The following LRRC28 variants were observed in gnomAD, a reference collection of about 807,000 sequenced individuals.
The protein encoded by LRRC28 is leucine rich repeat containing 28.
A neutral mutation model predicts 45.7 loss-of-function variants in LRRC28; 39 were observed. That is an observed-to-expected ratio of 0.85 (90% CI 0.66 to 1.12). LRRC28 has a LOEUF of 1.12. Ranked by LOEUF, LRRC28 falls within the 50% of genes most tolerant of loss-of-function variation. The pLI is 0.00. For missense variants in LRRC28, 435 were observed against 438.5 expected (o/e 0.99, Z 0.07); for synonymous variants, 206 against 178.8 (o/e 1.15, Z -1.22).
rs559443326 is a variant in LRRC28, at chr15:99,316,431, C to T, written c.386-17492C>T. On this transcript the variant is annotated intron_variant, in intron 5 of 9. Coordinates refer to ENST00000301981, the MANE Select transcript of LRRC28 (RefSeq NM_144598.5). ...TTTGTGTGGTAGAAACCACTTGCCT[C>T]TAATAAGGAACTAGAGAAATGGGAA... is the stretch of plus-strand genomic sequence containing the variant. Among the ~76,000 whole-genome samples, 3 of 151,944 alleles carry T rather than the reference C, an allele frequency of 2.0e-5. No individual in the cohort carries two copies. In the South Asian group the frequency reaches 6.2e-4, roughly 32 times the overall value.
rs1223200059 is a variant in LRRC28 at position 99,358,777 on chromosome 15, TA to T, written c.696-2555del. Among the ~76,000 whole-genome samples the T allele has an allele frequency of 2.0e-5, 3 of 151,952 alleles. No individual in the cohort carries two copies. The East Asian group carries it at 5.8e-4, about 29-fold the overall frequency. On this transcript the variant is annotated intron_variant, in intron 7 of 9. Coordinates refer to ENST00000301981, the MANE Select transcript of LRRC28 (RefSeq NM_144598.5). ...TATATAACCAAGTAAGACAAATAGA[TA>T]AAACATCTACACGTAAAGGCCAGGT... is the stretch of plus-strand genomic sequence containing the variant.
chr15:99,267,076 C>T (rs926098817), intron 2 of LRRC28, among the ~76,000 whole-genome samples: 3 of 152,108 alleles, frequency 2.0e-5, no homozygotes, highest in African/African-American at 7.3e-5. Context: ...AATTTGGAGT[C>T]AGTTAAAATA....
intron 9 of LRRC28, among the ~76,000 whole-genome samples, chr15:99,370,487 G>A (rs1042522498): frequency 1.3e-5 from 2 of 152,090 alleles, no homozygotes; most frequent in African/African-American, 4.8e-5. Context: ...TCTTGGGAAG[G>A]GGGGAATGTG....
intron 7 of LRRC28, among the ~76,000 whole-genome samples, chr15:99,359,372 AATGAG>A (rs1957135884): frequency 6.6e-6 from 1 of 152,350 alleles, no homozygotes; most frequent in African/African-American, 2.4e-5. Flanking sequence ...TTTAATAGAA[AATGAG>A]ATAAGGGATG....
chr15:99,253,474 A>C (rs1477116263), intron 1 of LRRC28, among the ~76,000 whole-genome samples: 1 of 152,154 alleles, frequency 6.6e-6, no homozygotes, highest in Non-Finnish European at 1.5e-5. Flanking sequence ...ATTGCTTTCT[A>C]GGCTAAGAGG....
chr15:99,266,794 C>T (rs962336291), intron 2 of LRRC28, among the ~76,000 whole-genome samples: 1 of 152,162 alleles, frequency 6.6e-6, no homozygotes, highest in African/African-American at 2.4e-5. Flanking sequence ...TTACCAAGTG[C>T]TCAAACAGTT....
chr15:99,339,801 CCACGTAGTAAGCCCAA>C (rs1956447081), intron 6 of LRRC28, among the ~76,000 whole-genome samples: 1 of 151,846 alleles, frequency 6.6e-6, no homozygotes, highest in Non-Finnish European at 1.5e-5. Flanking sequence ...GCATAAACCA[CCACGTAGTAAGCCCAA>C]CAGCTAGTAG....
rs1038700216 is a variant in LRRC28 at position 99,387,604 on chromosome 15, G to C, written c.*1502G>C. 1 of 152,160 alleles carries C rather than the reference G, an allele frequency of 6.6e-6. No individual in the cohort carries two copies. Among genetic ancestry groups the C allele is most frequent in the Non-Finnish European group, 1.5e-5 (1 of 68,032 alleles). The allele number at this position is 152,160 out of a possible 1,614,324, so 9.4% of individuals were successfully genotyped here. On this transcript the variant is annotated 3_prime_UTR_variant, in exon 10 of 10. Coordinates refer to ENST00000301981, the MANE Select transcript of LRRC28 (RefSeq NM_144598.5). ...AAAGAACTCTTCATGAAGAAGTCACGTATTTGCTCTTCCTTTCAAAGGATG... is the reference window on the plus strand; with the variant it reads ...AAAGAACTCTTCATGAAGAAGTCACCTATTTGCTCTTCCTTTCAAAGGATG...
intron 5 of LRRC28, among the ~76,000 whole-genome samples, chr15:99,322,775 T>TAAG (rs1391422834): frequency 6.6e-6 from 1 of 152,148 alleles, no homozygotes; most frequent in East Asian, 1.9e-4. Context: ...GGCACAGAGC[T>TAAG]AAGGCATGTT....
intron 5 of LRRC28, among the ~76,000 whole-genome samples, chr15:99,311,062 C>T (rs182599792): frequency 6.2e-4 from 94 of 152,260 alleles, no homozygotes; most frequent in Non-Finnish European, 1.0e-3. Context: ...TTAGTCTGCA[C>T]ACATGCCATT....
rs62023770 is a variant in LRRC28 at position 99,259,925 on chromosome 15, A to G, written c.168+3800A>G. 209 of 695,538 alleles carry G rather than the reference A, an allele frequency of 3.0e-4. 3 individuals carry two copies. The highest frequency in any genetic ancestry group is 1.9e-4 in the Non-Finnish European group (72 of 376,162). The allele number at this position is 695,538 out of a possible 1,614,324, so 43.1% of individuals were successfully genotyped here. On this transcript the variant is annotated intron_variant, in intron 2 of 9. Coordinates refer to ENST00000301981, the MANE Select transcript of LRRC28 (RefSeq NM_144598.5). ...AGAACCTGAGGAGACAGCAGAAGAC[A>G]AAGAGCAAGACAAAGACAAAGAAAT...
intron 2 of LRRC28, chr15:99,258,163 A>C: frequency 6.2e-7 from 1 of 1,612,608 alleles, no homozygotes; most frequent in Non-Finnish European, 8.5e-7. Context: ...TGACTGAAGC[A>C]CAGGAAGATG....
intron 5 of LRRC28, among the ~76,000 whole-genome samples, chr15:99,292,998 A>G (rs1185654928): frequency 6.6e-6 from 1 of 151,922 alleles, no homozygotes; most frequent in Non-Finnish European, 1.5e-5. Context: ...GACTTTCACC[A>G]TTTGTTTCTG....
intron 5 of LRRC28, among the ~76,000 whole-genome samples, chr15:99,321,044 A>G (rs925928261): frequency 1.3e-5 from 2 of 152,128 alleles, no homozygotes; most frequent in East Asian, 1.9e-4. Context: ...TTGTTTAAAC[A>G]TGAAAAAAAT....
chr15:99,288,082 C>T (rs1398613372), intron 5 of LRRC28, 131 bp downstream of exon 5: 9 of 880,382 alleles, frequency 1.0e-5, no homozygotes, highest in Non-Finnish European at 1.4e-5. Flanking sequence ...GAAGATGAAA[C>T]TAAAGAATGG....
intron 2 of LRRC28, among the ~76,000 whole-genome samples, chr15:99,264,633 C>T (rs1474643505): frequency 1.3e-5 from 2 of 152,198 alleles, no homozygotes; most frequent in African/African-American, 4.8e-5. Flanking sequence ...CTCTAGTAAA[C>T]AGATGGGTAG....
chr15:99,294,545 C>T (rs780787712), intron 5 of LRRC28, among the ~76,000 whole-genome samples: 2 of 152,146 alleles, frequency 1.3e-5, no homozygotes, highest in Non-Finnish European at 2.9e-5. Flanking sequence ...GTTCTGCAGG[C>T]TGGGAGTTCC....
intron 9 of LRRC28, among the ~76,000 whole-genome samples, chr15:99,377,920 G>A (rs1482254727): frequency 2.0e-5 from 3 of 152,206 alleles, no homozygotes; most frequent in Admixed American, 6.5e-5. Context: ...TTTGGTACCA[G>A]TACCATGCTG....
chr15:99,361,701 A>G (rs1173549904), intron 8 of LRRC28, among the ~76,000 whole-genome samples, 190 bp downstream of exon 8: 1 of 152,228 alleles, frequency 6.6e-6, no homozygotes, highest in East Asian at 1.9e-4. Flanking sequence ...ATTGTTGTGC[A>G]ACAGGATTTT....
Sources: allele counts gnomAD v4.1 joint callset (sites outside exome capture counted in the v4.1 genomes callset), GRCh38; gene constraint gnomAD v4.1.1; transcripts MANE v1.5; gene names NCBI Gene and HGNC (gene_info 2026-07-23, HGNC 2026-07-21).